The following VANGL1 variants were observed in gnomAD, a reference collection of about 807,000 sequenced individuals.
The protein encoded by VANGL1 is VANGL planar cell polarity protein 1.
Under a neutral mutation model 48.4 loss-of-function variants are expected in VANGL1, and 18 were observed. The observed-to-expected ratio is 0.37, with a 90% CI of 0.26 to 0.55. The LOEUF is 0.55. VANGL1 is among the 20% of genes least tolerant of loss of function. VANGL1 has a pLI of 0.81. For missense variants in VANGL1, 667 were observed against 675.8 expected, an observed-to-expected ratio of 0.99 and a Z score of 0.14; for synonymous variants, 257 against 261.8, an observed-to-expected ratio of 0.98 and a Z score of 0.18.
chr1:115,683,470 G>A (rs1653467833), intron 5 of VANGL1, among the ~76,000 whole-genome samples: 1 of 152,126 alleles, frequency 6.6e-6, no homozygotes, highest in Admixed American at 6.5e-5. Flanking sequence ...GCTTTCCATT[G>A]TAGACTCAGT....
intron 4 of VANGL1, among the ~76,000 whole-genome samples, chr1:115,679,748 T>C (rs766006121): frequency 6.6e-6 from 1 of 152,238 alleles, no homozygotes; most frequent in African/African-American, 2.4e-5. Context: ...TGAGAACTTC[T>C]GATGATTGCT....
chr1:115,675,474 C>T (rs929925077), intron 4 of VANGL1, among the ~76,000 whole-genome samples: 2 of 151,948 alleles, frequency 1.3e-5, no homozygotes, highest in African/African-American at 4.8e-5. Flanking sequence ...TGCACTCCAT[C>T]CTGGACGACA....
intron 7 of VANGL1, among the ~76,000 whole-genome samples, chr1:115,685,743 A>G (rs1425384551): frequency 1.3e-5 from 2 of 152,176 alleles, no homozygotes; most frequent in African/African-American, 2.4e-5. Flanking sequence ...AACAGAGGAG[A>G]GAATTTCGCT....
chr1:115,687,040 C>T (rs1421693337), intron 7 of VANGL1, among the ~76,000 whole-genome samples: 1 of 138,436 alleles, frequency 7.2e-6, no homozygotes, highest in Non-Finnish European at 1.6e-5. Context: ...ATATGTTGCA[C>T]TATATGTGTA....
chr1:115,670,044 T>C (rs1007734846), intron 4 of VANGL1, among the ~76,000 whole-genome samples: 1 of 152,152 alleles, frequency 6.6e-6, no homozygotes. Flanking sequence ...GTAGTCATAG[T>C]GTGGGGCCCT....
At chr1:115,653,078 G>T (rs1652212993) in intron 2 of VANGL1, among the ~76,000 whole-genome samples, 1 of 152,192 alleles carries the variant, frequency 6.6e-6, no homozygotes, top group Admixed American at 6.5e-5. Flanking sequence ...GACATATGAT[G>T]AGTATTCACA....
At chr1:115,687,692 GCT>G (rs1428346388) in intron 7 of VANGL1, among the ~76,000 whole-genome samples, 1 of 103,746 alleles carries the variant, frequency 9.6e-6, no homozygotes, top group East Asian at 2.6e-4. Context: ...TTGGGTCATT[GCT>G]CTCTCTTTCT....
At chr1:115,658,815 T>C (rs1652437993) in intron 2 of VANGL1, among the ~76,000 whole-genome samples, 1 of 152,196 alleles carries the variant, frequency 6.6e-6, no homozygotes, top group African/African-American at 2.4e-5. Context: ...TGGTTCATTT[T>C]GGAATTTCAT....
At chr1:115,664,895 A>G (rs1259540734) in intron 4 of VANGL1, among the ~76,000 whole-genome samples, 2 of 152,258 alleles carry the variant, frequency 1.3e-5, no homozygotes, top group Non-Finnish European at 2.9e-5. Flanking sequence ...GTGGTTAAAT[A>G]AGAGTGATTA....
At chr1:115,664,321 ACAGCTGCTCTG>A in intron 4 of VANGL1, 53 bp downstream of exon 4, 1 of 1,595,808 alleles carries the variant, frequency 6.3e-7, no homozygotes, top group Non-Finnish European at 8.5e-7. Flanking sequence ...TTGCTGGGAG[ACAGCTGCTCTG>A]TAGCACGTGA....
At position 115,697,984 on chromosome 1, in the gene VANGL1, C is replaced by T. The variant is rs1654088555; in HGVS notation, c.*6605C>T. On this transcript the variant is annotated 3_prime_UTR_variant, in exon 8 of 8. Coordinates refer to ENST00000355485, the MANE Select transcript of VANGL1 (RefSeq NM_138959.3). ...AATGAATGAATGACACTACCAGCAA[C>T]CATCTGTACAGGTCCATTTACTTAC... 2 of 152,196 alleles carry T rather than the reference C, an allele frequency of 1.3e-5. No homozygotes were observed. Among genetic ancestry groups the T allele is most frequent in the Admixed American group, 1.3e-4 (2 of 15,280 alleles). 9.4% of individuals were successfully genotyped at this position (152,196 alleles called of 1,614,324 possible).
At chr1:115,671,839 C>T (rs1652988404) in intron 4 of VANGL1, among the ~76,000 whole-genome samples, 1 of 152,304 alleles carries the variant, frequency 6.6e-6, no homozygotes, top group South Asian at 2.1e-4. Context: ...TAGGGGAGGT[C>T]TGCCAGCATC....
At chr1:115,650,267 G>C (rs555218200) in intron 1 of VANGL1, among the ~76,000 whole-genome samples, 7 of 152,162 alleles carry the variant, frequency 4.6e-5, no homozygotes, top group Non-Finnish European at 1.0e-4. Context: ...GCTTCCAGCG[G>C]CTGGAAGAAG....
At chr1:115,686,326 C>T (rs540712179) in intron 7 of VANGL1, among the ~76,000 whole-genome samples, 5 of 146,070 alleles carry the variant, frequency 3.4e-5, no homozygotes, top group South Asian at 2.2e-4. Flanking sequence ...GAGCCAAGAT[C>T]GCACCACTGC....
At chr1:115,661,658 C>T (rs1034169195) in intron 3 of VANGL1, among the ~76,000 whole-genome samples, 1 of 151,956 alleles carries the variant, frequency 6.6e-6, no homozygotes, top group Non-Finnish European at 1.5e-5. Flanking sequence ...TGTTCTGTCG[C>T]CCAGGCTGGA....
intron 2 of VANGL1, among the ~76,000 whole-genome samples, chr1:115,657,714 C>T (rs1652400959): frequency 1.3e-5 from 2 of 152,162 alleles, no homozygotes; most frequent in Non-Finnish European, 2.9e-5. Flanking sequence ...TCTCTTCTTG[C>T]ATTGCCATAA....
At chr1:115,682,098 C>G (rs1653413416) in intron 4 of VANGL1, among the ~76,000 whole-genome samples, 1 of 152,242 alleles carries the variant, frequency 6.6e-6, no homozygotes, top group Admixed American at 6.5e-5. Flanking sequence ...TGAGTTACAA[C>G]TTCTTCCTCT....
At position 115,663,653 on chromosome 1, in the gene VANGL1, C is replaced by T. The variant is rs1174617942; in HGVS notation, c.205-8C>T. 1 of 1,614,108 alleles carries T rather than the reference C, an allele frequency of 6.2e-7. No homozygotes were observed. Among genetic ancestry groups the T allele is most frequent in the Non-Finnish European group, 8.5e-7 (1 of 1,180,040 alleles). ...GTCATGTCATCCTCACTGTCTTCTC[C>T]CCACCAGGATGACAACTGGGGAGAG... On this transcript the variant is annotated splice_region_variant and splice_polypyrimidine_tract_variant and intron_variant, in intron 3 of 7. Coordinates refer to ENST00000355485, the MANE Select transcript of VANGL1 (RefSeq NM_138959.3).
At chr1:115,682,552 A>G (rs1164641176) in intron 5 of VANGL1, 55 bp downstream of exon 5, 9 of 1,613,332 alleles carry the variant, frequency 5.6e-6, no homozygotes, top group East Asian at 2.2e-5. Context: ...TTGGGTGACT[A>G]TTTAAGATTC....
Sources: gnomAD v4.1 joint callset for allele counts (sites outside exome capture counted in the v4.1 genomes callset) on GRCh38, gnomAD v4.1.1 for gene constraint, MANE v1.5 for transcripts, NCBI Gene and HGNC (gene_info 2026-07-23, HGNC 2026-07-21) for gene names.